PTPRD: variants seen among roughly 807,000 people sequenced by gnomAD.
The protein encoded by PTPRD is receptor-type tyrosine-protein phosphatase delta.
Under a neutral mutation model 214.5 loss-of-function variants are expected in PTPRD, and 34 were observed. The ratio of observed to expected loss-of-function variants is 0.16; its 90% confidence interval spans 0.12 to 0.21. The LOEUF is 0.21. PTPRD is among the 10% of genes least tolerant of loss of function. The pLI is 1.00. For missense variants in PTPRD, 2,545 were observed against 2,398.7 expected (o/e 1.06, Z -1.27); for synonymous variants, 1,128 against 845.7 (o/e 1.33, Z -5.79).
At chr9:10,179,167 G>A (rs1453266927) in intron 3 of PTPRD, among the ~76,000 whole-genome samples, 1 of 151,908 alleles carries the variant, frequency 6.6e-6, no homozygotes, top group East Asian at 1.9e-4. Context: ...CATATCAACA[G>A]CAGTGGATGC....
At chr9:8,966,889 G>C (rs190268430) in intron 11 of PTPRD, among the ~76,000 whole-genome samples, 5 of 151,312 alleles carry the variant, frequency 3.3e-5, no homozygotes, top group African/African-American at 1.2e-4. Flanking sequence ...GAATCTATAA[G>C]GAACTTAAAC....
rs540026876 is a variant in PTPRD at position 9,478,785 on chromosome 9, T to G, written c.-236-81303A>C. 1.5e-4 allele frequency among the ~76,000 whole-genome samples: 23 copies of G among 152,334 alleles called. No homozygotes were observed. The East Asian group carries it at 3.5e-3, about 23-fold the overall frequency. On this transcript the variant is annotated intron_variant, in intron 8 of 45. Coordinates refer to ENST00000381196, the MANE Select transcript of PTPRD (RefSeq NM_002839.4). Reference sequence around the variant, plus strand: ...CCCAAATATTTCAAGTGCCTCTTCTTTGTTAAAGATGCTGCTCGAGTTTAA... The same window carrying G: ...CCCAAATATTTCAAGTGCCTCTTCTGTGTTAAAGATGCTGCTCGAGTTTAA...
At chr9:10,441,820 T>A (rs2098760807) in intron 2 of PTPRD, among the ~76,000 whole-genome samples, 2 of 151,642 alleles carry the variant, frequency 1.3e-5, no homozygotes, top group South Asian at 4.1e-4. Flanking sequence ...ATATATTCAT[T>A]TAGTATGTAA....
At chr9:8,730,107 T>C (rs944534334) in intron 12 of PTPRD, among the ~76,000 whole-genome samples, 3 of 151,834 alleles carry the variant, frequency 2.0e-5, no homozygotes, top group African/African-American at 7.3e-5. Context: ...ATACAGAAAA[T>C]TAGCCGGGCG....
intron 12 of PTPRD, among the ~76,000 whole-genome samples, chr9:8,644,658 C>A (rs779501414): frequency 9.2e-5 from 14 of 152,168 alleles, no homozygotes; most frequent in Non-Finnish European, 1.8e-4. Context: ...TTCACCAGTG[C>A]CAGCCAGGGA....
chr9:9,208,294 G>A lies in PTPRD; in HGVS notation c.-202-24931C>T, dbSNP rs540922136. Among the ~76,000 whole-genome samples, 11 of 151,726 alleles carry A rather than the reference G, an allele frequency of 7.2e-5. No individual in the cohort carries two copies. In the South Asian group the frequency reaches 2.1e-3, roughly 29 times the overall value. ...CTCCCAAAGTGCTGGGATTACAGGC[G>A]TGAGCCACCAAGCCCCGCCATCTGC... On this transcript the variant is annotated intron_variant, in intron 9 of 45. Coordinates refer to ENST00000381196, the MANE Select transcript of PTPRD (RefSeq NM_002839.4).
chr9:9,502,872 C>T (rs912525235), intron 8 of PTPRD, among the ~76,000 whole-genome samples: 4 of 151,862 alleles, frequency 2.6e-5, no homozygotes, highest in Non-Finnish European at 4.4e-5. Context: ...CTCCAACAGA[C>T]GTAACTATTC....
intron 5 of PTPRD, among the ~76,000 whole-genome samples, chr9:9,886,556 C>T (rs993749800): frequency 3.9e-5 from 6 of 152,024 alleles, no homozygotes; most frequent in African/African-American, 1.4e-4. Flanking sequence ...AATGACTGTA[C>T]CAATATCTTC....
At chr9:9,260,905 A>G (rs1253353445) in intron 9 of PTPRD, among the ~76,000 whole-genome samples, 2 of 151,850 alleles carry the variant, frequency 1.3e-5, no homozygotes, top group Admixed American at 1.3e-4. Flanking sequence ...CCTGCAATCA[A>G]CAGATACTCA....
In PTPRD at chr9:10,272,712, C is replaced by T. The variant is rs146600007; in HGVS notation, c.-545+68251G>A. ...GAACTCACATAAGTAATAGTTTATC[C>T]ACTATTTTCATTTGAGAACCTGTTT... On this transcript the variant is annotated intron_variant, in intron 3 of 45. Transcript: ENST00000381196. Among the ~76,000 whole-genome samples, 53 of 152,212 alleles carry T rather than the reference C, an allele frequency of 3.5e-4. No individual in the cohort carries two copies. The East Asian group carries it at 0.01, about 29-fold the overall frequency.
chr9:10,500,317 T>C (rs1403116749), intron 2 of PTPRD, among the ~76,000 whole-genome samples: 1 of 151,840 alleles, frequency 6.6e-6, no homozygotes, highest in South Asian at 2.1e-4. Context: ...AAAAAATGCA[T>C]ACTCTTTTTC....
At chr9:10,509,058 A>T (rs1014854236) in intron 2 of PTPRD, among the ~76,000 whole-genome samples, 5 of 152,048 alleles carry the variant, frequency 3.3e-5, no homozygotes, top group African/African-American at 1.2e-4. Context: ...ATGATTCTCC[A>T]CTGTAAATTT....
chr9:9,614,608 A>C (rs542383081), intron 7 of PTPRD, among the ~76,000 whole-genome samples: 178 of 152,330 alleles, frequency 1.2e-3, no homozygotes, highest in African/African-American at 4.0e-3. Context: ...GTTTTGATTC[A>C]ATAGACCGTA....
chr9:8,622,176 G>T (rs2095845666), intron 14 of PTPRD, among the ~76,000 whole-genome samples: 1 of 151,400 alleles, frequency 6.6e-6, no homozygotes, highest in Non-Finnish European at 1.5e-5. Flanking sequence ...GAAACAAATG[G>T]GTATATTACT....
intron 3 of PTPRD, among the ~76,000 whole-genome samples, chr9:10,235,918 G>A (rs1479555148): frequency 6.6e-6 from 1 of 151,926 alleles, no homozygotes; most frequent in African/African-American, 2.4e-5. Context: ...AATTATTTTA[G>A]TGCATTCCAG....
chr9:10,401,616 T>G (rs988279547), intron 2 of PTPRD, among the ~76,000 whole-genome samples: 1 of 147,712 alleles, frequency 6.8e-6, no homozygotes, highest in Admixed American at 6.8e-5. Flanking sequence ...GATATAACAG[T>G]ATATCTATAG....
intron 3 of PTPRD, among the ~76,000 whole-genome samples, chr9:10,115,643 G>GT (rs59229223): frequency 0.022 from 3,276 of 151,382 alleles, 103 homozygotes; most frequent in African/African-American, 0.074. Context: ...AACTTTACAA[G>GT]TTTTTTTTTC....
intron 2 of PTPRD, among the ~76,000 whole-genome samples, chr9:10,344,009 C>CTTTTTTTTTTTTTTT (rs1597594007): frequency 3.2e-5 from 1 of 31,448 alleles, no homozygotes; most frequent in African/African-American, 1.4e-4. Context: ...TTTTTTTTTG[C>CTTTTTTTTTTTTTTT]TGTGCAGAAG....
chr9:9,799,810 T>C (rs902101102), intron 5 of PTPRD, among the ~76,000 whole-genome samples: 1 of 152,112 alleles, frequency 6.6e-6, no homozygotes, highest in Non-Finnish European at 1.5e-5. Flanking sequence ...GCAAGGAAGA[T>C]AAAATAGTCA....
Sources: allele counts gnomAD v4.1 joint callset (sites outside exome capture counted in the v4.1 genomes callset), GRCh38; gene constraint gnomAD v4.1.1; transcripts MANE v1.5; gene names NCBI Gene and HGNC (gene_info 2026-07-23, HGNC 2026-07-21).